Variants in TENM2 observed in about 807,000 individuals in gnomAD.
The protein encoded by TENM2 is teneurin-2.
Under a neutral mutation model 245.2 loss-of-function variants are expected in TENM2, and 52 were observed. That is an observed-to-expected ratio of 0.21 (90% CI 0.17 to 0.27). The LOEUF (loss-of-function observed/expected upper bound fraction) is 0.27, where lower values mean the gene tolerates loss of function less well. Among genes scored for constraint, TENM2 ranks in the 10% least tolerant of loss-of-function variants. The pLI is 1.00. For synonymous variants in TENM2, 1,363 were observed against 1,438.9 expected (o/e 0.95, Z 1.19); for missense variants, 3,046 against 3,666.8 (o/e 0.83, Z 4.37).
intron 5 of TENM2, among the ~76,000 whole-genome samples, chr5:168,041,078 G>T (rs1788144926): frequency 6.6e-6 from 1 of 152,108 alleles, no homozygotes; most frequent in Non-Finnish European, 1.5e-5. Flanking sequence ...CTAAGTAGTG[G>T]TTCACTTGGA....
the TENM2 span, among the ~76,000 whole-genome samples, chr5:167,051,262 A>G: frequency 2.6e-5 from 4 of 152,008 alleles, no homozygotes; most frequent in East Asian, 5.8e-4. Context: ...TTGGATTCAA[A>G]TGTCATCTTT....
chr5:168,242,354 T>C (rs1766176136), intron 25 of TENM2, among the ~76,000 whole-genome samples: 1 of 152,192 alleles, frequency 6.6e-6, no homozygotes, highest in South Asian at 2.1e-4. Flanking sequence ...TCAAGGGCTG[T>C]GAAAATGCTT....
chr5:167,773,110 T>C (rs1763510671), intron 2 of TENM2, among the ~76,000 whole-genome samples: 2 of 152,214 alleles, frequency 1.3e-5, no homozygotes, highest in South Asian at 4.1e-4. Context: ...CTTTCAAGTT[T>C]AGCATTTGTG....
At chr5:168,034,140 CATATATATGTG>C (rs1787432444) in intron 5 of TENM2, among the ~76,000 whole-genome samples, 1 of 93,140 alleles carries the variant, frequency 1.1e-5, no homozygotes, top group African/African-American at 3.9e-5. Context: ...TATATGTATA[CATATATATGTG>C]TATATATATA....
At position 167,898,292 on chromosome 5, in the gene TENM2, G is replaced by C. The variant is rs913967228; in HGVS notation, c.712+22097G>C. On this transcript the variant is annotated intron_variant, in intron 3 of 28. Coordinates refer to ENST00000518659, the Ensembl canonical transcript of TENM2. ...CCTCTCTCCTTTCCCTGGACCTAGG[G>C]AATTGGAAATTCTAGGGGTGGGGCC... 7.2e-5 allele frequency among the ~76,000 whole-genome samples: 11 copies of C among 152,178 alleles called. No homozygotes were observed. The East Asian group carries it at 2.1e-3, about 29-fold the overall frequency.
intron 25 of TENM2, among the ~76,000 whole-genome samples, chr5:168,237,959 G>A (rs553965330): frequency 1.3e-4 from 20 of 151,214 alleles, no homozygotes; most frequent in African/African-American, 2.4e-4. Flanking sequence ...TGGCTAACAC[G>A]GTGAAACCCC....
intron 2 of TENM2, among the ~76,000 whole-genome samples, chr5:167,736,230 C>T (rs1287271906): frequency 6.6e-6 from 1 of 152,116 alleles, no homozygotes; most frequent in Non-Finnish European, 1.5e-5. Context: ...TGAGAACTCA[C>T]TCACTATCGC....
At chr5:167,349,318 C>A (rs1458047583) in intron 1 of TENM2, among the ~76,000 whole-genome samples, 1 of 152,210 alleles carries the variant, frequency 6.6e-6, no homozygotes, top group South Asian at 2.1e-4. Flanking sequence ...CTATTATTAT[C>A]CTTATTTTAT....
At chr5:167,931,274 C>T (rs990437697) in intron 3 of TENM2, among the ~76,000 whole-genome samples, 2 of 152,190 alleles carry the variant, frequency 1.3e-5, no homozygotes, top group Non-Finnish European at 2.9e-5. Context: ...CACCCTGAAT[C>T]AGCTTTTCTC....
At chr5:167,575,810 A>G (rs970812083) in intron 2 of TENM2, among the ~76,000 whole-genome samples, 1 of 152,212 alleles carries the variant, frequency 6.6e-6, no homozygotes, top group African/African-American at 2.4e-5. Flanking sequence ...TTAAAATCGC[A>G]TCACATGTAA....
chr5:168,201,199 C>G (rs1320251839), intron 17 of TENM2, among the ~76,000 whole-genome samples: 1 of 152,014 alleles, frequency 6.6e-6, no homozygotes. Context: ...GTGGTGTTAA[C>G]TTAACCAAGG....
In TENM2 at chr5:168,101,688, T is replaced by C. The variant is rs111903833; in HGVS notation, c.1813+3561T>C. ...CTGCTCCTGAAATCGGGCTTTGAAC[T>C]TGTATACTTTAATTTAGCTGTTGCA... On this transcript the variant is annotated intron_variant, in intron 9 of 28. Transcript: ENST00000518659. 1.9e-3 allele frequency among the ~76,000 whole-genome samples: 283 copies of C among 152,330 alleles called. 1 individual carries two copies. The highest frequency in any genetic ancestry group is 6.6e-3 in the African/African-American group (274 of 41,578).
rs775379414 is a variant in TENM2, at chr5:168,218,542, G to A, written c.4651G>A (p.Val1551Ile). Residue 1551 changes from valine to isoleucine, a missense_variant, in exon 23 of 29, where the codon GTA (valine) becomes ATA (isoleucine). Val to Ile is a conservative substitution (Grantham distance 29). Transcript: ENST00000518659. This position sits in a 1 kb window ranked among gnomAD's most constrained non-coding sequence, Gnocchi z 5.2. Reference sequence around the variant, plus strand: ...CTTGAATTCCCCATCATCCTTAGCTGTAGCTCCAGATGGTACCATTTACAT... The same window carrying A: ...CTTGAATTCCCCATCATCCTTAGCTATAGCTCCAGATGGTACCATTTACAT... 4.3e-6 allele frequency: 7 copies of A among 1,613,894 alleles called. No individual in the cohort carries two copies. The highest frequency in any genetic ancestry group is 5.9e-6 in the Non-Finnish European group (7 of 1,179,912).
intron 4 of TENM2, among the ~76,000 whole-genome samples, chr5:167,967,631 G>T (rs539869045): frequency 7.2e-5 from 11 of 152,236 alleles, no homozygotes; most frequent in South Asian, 4.2e-4. Flanking sequence ...TTAAAAAAAA[G>T]AAAAATAAAA....
Position 168,028,799 on chromosome 5 carries a change from C to CA in TENM2, c.1187-18609dup, listed in dbSNP as rs34319215. ...TTACTTTCCTCACCATAGCAACTGT[C>CA]AAAAAAAAAAAAAAAAAAATGGGCT... On this transcript the variant is annotated intron_variant, in intron 5 of 28. Transcript: ENST00000518659. 9.6e-3 allele frequency among the ~76,000 whole-genome samples: 1,176 copies of CA among 122,068 alleles called. 8 individuals are homozygous for CA. Among genetic ancestry groups the CA allele is most frequent in the Non-Finnish European group, 0.015 (834 of 55,978 alleles). The allele number at this position is 122,068 out of a possible 152,430, so 80.1% of individuals were successfully genotyped here.
intron 2 of TENM2, among the ~76,000 whole-genome samples, chr5:167,676,198 T>G (rs759133378): frequency 9.9e-5 from 15 of 152,100 alleles, no homozygotes; most frequent in Non-Finnish European, 2.1e-4. Context: ...CTTTGATTAT[T>G]AGTATATTTT....
At chr5:167,045,472 T>C in the TENM2 span, among the ~76,000 whole-genome samples, 2 of 152,182 alleles carry the variant, frequency 1.3e-5, no homozygotes, top group Non-Finnish European at 2.9e-5. Context: ...TTTTAAATTC[T>C]CTTCTGCAGG....
At chr5:167,145,072 A>G in the TENM2 span, among the ~76,000 whole-genome samples, 2 of 152,138 alleles carry the variant, frequency 1.3e-5, no homozygotes, top group South Asian at 4.1e-4. Context: ...TCTCTAGTCA[A>G]ATTTCCCTCT....
chr5:167,188,207 A>G, the TENM2 span, among the ~76,000 whole-genome samples: 1 of 152,194 alleles, frequency 6.6e-6, no homozygotes, highest in South Asian at 2.1e-4. Context: ...GATAATTGGC[A>G]GTCAGTGCTC....
Sources: allele counts gnomAD v4.1 joint callset (sites outside exome capture counted in the v4.1 genomes callset), GRCh38; gene constraint gnomAD v4.1.1; non-coding constraint Gnocchi (gnomAD v3.1); transcripts MANE v1.5; gene names NCBI Gene and HGNC (gene_info 2026-07-23, HGNC 2026-07-21).